Variants in EMC2 observed in about 807,000 individuals in gnomAD.
EMC2 encodes ER membrane protein complex subunit 2.
A neutral mutation model predicts 51.6 loss-of-function variants in EMC2; 37 were observed. The ratio of observed to expected loss-of-function variants is 0.72; its 90% CI spans 0.55 to 0.94. EMC2 has a LOEUF of 0.94. Ranked by LOEUF, EMC2 falls within the 40% of genes least tolerant of loss-of-function variation. The pLI is 0.00. For missense variants in EMC2, 359 were observed against 350.9 expected, an observed-to-expected ratio of 1.02 and a Z score of -0.18; for synonymous variants, 131 against 112.4, an observed-to-expected ratio of 1.17 and a Z score of -1.04.
intron 5 of EMC2, 93 bp downstream of exon 5, chr8:108,456,023 TTA>T (rs1407432257): frequency 2.5e-6 from 1 of 405,038 alleles, no homozygotes; most frequent in African/African-American, 2.1e-5. Context: ...GAACTAGGTC[TTA>T]TATTTTTAAT....
At chr8:108,451,592 T>G (rs1376635125) in intron 3 of EMC2, among the ~76,000 whole-genome samples, 3 of 151,906 alleles carry the variant, frequency 2.0e-5, no homozygotes, top group Non-Finnish European at 4.4e-5. Context: ...GAGCTGTTAG[T>G]GATGAAAACA....
chr8:108,455,608 C>T (rs1249229069), intron 4 of EMC2, among the ~76,000 whole-genome samples: 1 of 151,986 alleles, frequency 6.6e-6, no homozygotes, highest in African/African-American at 2.4e-5. Flanking sequence ...GTACTTTGGA[C>T]AAATTGAATC....
At chr8:108,461,136 A>G (rs990630423) in intron 5 of EMC2, among the ~76,000 whole-genome samples, 1 of 152,222 alleles carries the variant, frequency 6.6e-6, no homozygotes, top group African/African-American at 2.4e-5. Flanking sequence ...AGTATCTCAA[A>G]GGCGGGAAAG....
rs1030080319 is a variant in EMC2, at chr8:108,469,854, G to A, written c.392G>A (p.Arg131Gln). Reference protein sequence around the residue: ...TAARKRKIAIRKAQGKNVEAI... With the variant: ...TAARKRKIAIQKAQGKNVEAI... Reference sequence around the variant, plus strand: ...GCAAGAAAGCGTAAGATTGCCATTCGAAAAGCCCAGGGGAAAAATGTGGAG... The same window carrying A: ...GCAAGAAAGCGTAAGATTGCCATTCAAAAAGCCCAGGGGAAAAATGTGGAG... The change falls in exon 6 of 11, where the codon CGA becomes CAA. Residue 131 changes from arginine (R) to glutamine (Q), a missense_variant. Physicochemically the swap from Arg to Gln is conservative, Grantham distance 43. Coordinates refer to ENST00000220853, the MANE Select transcript of EMC2 (RefSeq NM_014673.5). 6.8e-6 allele frequency: 11 copies of A among 1,613,310 alleles called. No individual in the cohort carries two copies. Among genetic ancestry groups the A allele is most frequent in the African/African-American group, 2.7e-5 (2 of 74,876 alleles).
intron 8 of EMC2, among the ~76,000 whole-genome samples, chr8:108,476,578 T>C (rs773538850): frequency 5.9e-5 from 9 of 151,928 alleles, no homozygotes; most frequent in Non-Finnish European, 1.0e-4. Context: ...TCAATGTTCA[T>C]AGAATAGAAT....
At chr8:108,454,488 C>T (rs932743102) in intron 4 of EMC2, among the ~76,000 whole-genome samples, 1 of 152,032 alleles carries the variant, frequency 6.6e-6, no homozygotes, top group Non-Finnish European at 1.5e-5. Flanking sequence ...TACCTTACAA[C>T]AGAGTATTTT....
chr8:108,460,177 G>T (rs925084862), intron 5 of EMC2, among the ~76,000 whole-genome samples: 3 of 152,094 alleles, frequency 2.0e-5, no homozygotes, highest in Non-Finnish European at 4.4e-5. Flanking sequence ...GTTAAAAATC[G>T]ATGGAATTTA....
At chr8:108,451,790 C>A (rs2130340059) in intron 3 of EMC2, among the ~76,000 whole-genome samples, 1 of 152,250 alleles carries the variant, frequency 6.6e-6, no homozygotes, top group Non-Finnish European at 1.5e-5. Context: ...GCAGTATACA[C>A]AATTAAACAG....
At chr8:108,463,790 A>C (rs1195000962) in intron 5 of EMC2, among the ~76,000 whole-genome samples, 1 of 152,160 alleles carries the variant, frequency 6.6e-6, no homozygotes, top group East Asian at 1.9e-4. Context: ...CAGGAAATGC[A>C]CCACTGAGAC....
chr8:108,482,830 T>C (rs929137442), intron 10 of EMC2, among the ~76,000 whole-genome samples: 1 of 152,088 alleles, frequency 6.6e-6, no homozygotes, highest in Non-Finnish European at 1.5e-5. Flanking sequence ...GTAATCCTCC[T>C]GTCTCAGCCT....
intron 5 of EMC2, among the ~76,000 whole-genome samples, chr8:108,467,430 C>T (rs961660975): frequency 2.0e-5 from 3 of 151,810 alleles, no homozygotes; most frequent in Non-Finnish European, 4.4e-5. Flanking sequence ...CTCACTGCAA[C>T]CTCCACCTCC....
At chr8:108,470,173 A>G (rs532395513) in intron 7 of EMC2, 52 bp downstream of exon 7, 2 of 1,253,972 alleles carry the variant, frequency 1.6e-6, no homozygotes, top group Non-Finnish European at 2.3e-6. Flanking sequence ...CATCACTGTA[A>G]GTTCAGAAAG....
intron 5 of EMC2, among the ~76,000 whole-genome samples, chr8:108,466,095 T>C (rs1204870152): frequency 1.3e-5 from 2 of 152,226 alleles, no homozygotes; most frequent in Admixed American, 6.5e-5. Context: ...CTTTCAGATA[T>C]TGTCTTTATT....
chr8:108,472,470 G>T (rs1415459849), intron 7 of EMC2, among the ~76,000 whole-genome samples: 1 of 151,042 alleles, frequency 6.6e-6, no homozygotes, highest in Non-Finnish European at 1.5e-5. Context: ...ATTATGGTCA[G>T]CCTACCCTTT....
At chr8:108,460,007 A>AT in intron 5 of EMC2, among the ~76,000 whole-genome samples, 1 of 152,132 alleles carries the variant, frequency 6.6e-6, no homozygotes, top group African/African-American at 2.4e-5. Context: ...AAAAGCACCC[A>AT]TTTTTTTCTG....
At chr8:108,472,511 T>C (rs868571514) in intron 7 of EMC2, among the ~76,000 whole-genome samples, 3 of 151,510 alleles carry the variant, frequency 2.0e-5, no homozygotes, top group Non-Finnish European at 2.9e-5. Flanking sequence ...TTTTTGGTCT[T>C]AAAGCTAGTT....
At chr8:108,463,407 G>A (rs573251996) in intron 5 of EMC2, among the ~76,000 whole-genome samples, 2 of 151,896 alleles carry the variant, frequency 1.3e-5, no homozygotes, top group South Asian at 2.1e-4. Context: ...TTCGGCTTGC[G>A]TTTTGAAAAT....
At chr8:108,475,697 A>G in intron 7 of EMC2, 185 bp from the exon 8 acceptor site, 1 of 508,448 alleles carries the variant, frequency 2.0e-6, no homozygotes, top group Non-Finnish European at 3.5e-6. Context: ...ATTTCATGAT[A>G]AAATTTAATG....
chr8:108,448,803 T>A (rs1818941661), intron 1 of EMC2, among the ~76,000 whole-genome samples: 1 of 152,192 alleles, frequency 6.6e-6, no homozygotes, highest in Admixed American at 6.5e-5. Context: ...GTTTCAAATT[T>A]ATTTATTTTT....
Sources: allele counts gnomAD v4.1 joint callset (sites outside exome capture counted in the v4.1 genomes callset), GRCh38; gene constraint gnomAD v4.1.1; transcripts MANE v1.5; gene names NCBI Gene and HGNC (gene_info 2026-07-23, HGNC 2026-07-21).